Variants in FOXN1 observed in about 807,000 individuals in gnomAD.
FOXN1 encodes the protein forkhead box N1, also known as forkhead box protein N1.
FOXN1 carries 15 observed loss-of-function variants against 49.0 expected under a neutral mutation model. That is an observed-to-expected ratio of 0.31 (90% confidence interval 0.20 to 0.47). The LOEUF is 0.47. FOXN1 is among the 20% of genes least tolerant of loss of function. The probability of loss-of-function intolerance (pLI) is 1.00; values close to 1 mark genes in which losing one functional copy is unlikely to be tolerated. For synonymous variants in FOXN1, 356 were observed against 369.0 expected (o/e 0.96, Z 0.40); for missense variants, 800 against 842.8 (o/e 0.95, Z 0.63).
chr17:28,528,196 G>C (rs2069816984), intron 4 of FOXN1, among the ~76,000 whole-genome samples: 1 of 152,218 alleles, frequency 6.6e-6, no homozygotes, highest in African/African-American at 2.4e-5. Context: ...TGGCTTTGCA[G>C]GGAAAAGAAA....
intron 6 of FOXN1, among the ~76,000 whole-genome samples, chr17:28,531,443 G>A (rs970522453): frequency 2.6e-5 from 4 of 152,104 alleles, no homozygotes; most frequent in Non-Finnish European, 4.4e-5. Context: ...CACAGAAGGC[G>A]CTTCTGGGAG....
chr17:28,527,575 G>A (rs2069802847), intron 4 of FOXN1, among the ~76,000 whole-genome samples: 1 of 152,212 alleles, frequency 6.6e-6, no homozygotes, highest in Admixed American at 6.5e-5. Context: ...GCTTGTCTGA[G>A]TCCCTGGCAA....
intron 1 of FOXN1, among the ~76,000 whole-genome samples, chr17:28,507,963 C>T (rs1473682989): frequency 6.6e-6 from 1 of 152,202 alleles, no homozygotes; most frequent in Non-Finnish European, 1.5e-5. Context: ...GTTGGGGATC[C>T]TCAAAGGCGA....
In FOXN1 at chr17:28,534,640, T is replaced by A; in HGVS notation, c.1136-67T>A. ...AATGAGGCAAGGCCCCGAGTAAGGG[T>A]TCCAGTCTGGGGAAGACTGTGGAGG... On this transcript the variant is annotated intron_variant, in intron 7 of 8. Coordinates refer to ENST00000579795, the MANE Select transcript of FOXN1 (RefSeq NM_001369369.1). The surrounding 1 kb of genome is among the most constrained non-coding windows in gnomAD (Gnocchi z 4.1). The A allele has an allele frequency of 6.2e-7, 1 of 1,606,156 alleles. No individual in the cohort carries two copies. Among genetic ancestry groups the A allele is most frequent in the Non-Finnish European group, 8.5e-7 (1 of 1,176,978 alleles).
rs938556199 is a variant in FOXN1, at chr17:28,524,560, C to A, written c.181C>A (p.Pro61Thr). ...GTCCGACGGCCCTCCAGAGAGGACA[C>A]CCTCACTGCCCCCACACAGCCCCCG... is the stretch of plus-strand genomic sequence containing the variant. ...FVSDGPPERT[P>T]SLPPHSPRIA... Residue 61 changes from proline (P) to threonine (T), a missense_variant, in exon 3 of 9, where the codon CCC (proline) becomes ACC (threonine). Around this residue, in one of 3 missense-constraint regions of FOXN1, gnomAD observed 383 missense variants for 357.9 expected, o/e 1.07. Transcript: ENST00000579795. 2.5e-6 allele frequency: 4 copies of A among 1,613,552 alleles called. No homozygotes were observed. In the African/African-American group the frequency reaches 4.0e-5, roughly 16 times the overall value.
chr17:28,525,049 C>A, intron 3 of FOXN1, 82 bp downstream of exon 3: 2 of 1,088,054 alleles, frequency 1.8e-6, no homozygotes, highest in Non-Finnish European at 2.7e-6. Context: ...ACCTCTGAGA[C>A]CAAAGTCCCA....
In FOXN1 at chr17:28,524,809, C is replaced by A. The variant is rs554249129; in HGVS notation, c.430C>A (p.Leu144Ile). ...CCCAGAGGCCGAGACCACCCTGGCC[C>A]TCAAAGGACACTCCTTTAAGACCCC... ...VFPEAETTLALKGHSFKTPGP... is the reference protein window; with the variant it reads ...VFPEAETTLAIKGHSFKTPGP... Residue 144 changes from leucine to isoleucine, a missense_variant, in exon 3 of 9, where the codon CTC (leucine) becomes ATC (isoleucine). Physicochemically the swap from Leu to Ile is conservative, Grantham distance 5 (BLOSUM62 2). Around this residue, in one of 3 missense-constraint regions of FOXN1, gnomAD observed 383 missense variants for 357.9 expected, o/e 1.07. Transcript: ENST00000579795. 1 of 1,613,818 alleles carries A rather than the reference C, an allele frequency of 6.2e-7. No homozygotes were observed. The highest frequency in any genetic ancestry group is 1.1e-5 in the South Asian group (1 of 91,082).
intron 1 of FOXN1, among the ~76,000 whole-genome samples, chr17:28,507,160 C>T (rs544870654): frequency 2.0e-5 from 3 of 152,188 alleles, no homozygotes; most frequent in African/African-American, 7.2e-5. Flanking sequence ...AGCCCTGAGG[C>T]CTTTGGGGCC....
At chr17:28,523,727 A>G (rs995404438) in intron 1 of FOXN1, among the ~76,000 whole-genome samples, 2 of 152,076 alleles carry the variant, frequency 1.3e-5, no homozygotes, top group Non-Finnish European at 2.9e-5. Context: ...CCCTTTCTCC[A>G]CAGGGGTCTG....
In FOXN1 at chr17:28,524,085, C is replaced by T; in HGVS notation, c.116C>T (p.Pro39Leu). The T allele has an allele frequency of 1.2e-6, 2 of 1,601,064 alleles. No individual in the cohort carries two copies. Among genetic ancestry groups the T allele is most frequent in the Non-Finnish European group, 1.7e-6 (2 of 1,175,054 alleles). ...QAPGLPGSPA[P>L]QSKHAGFSCS... ...CCGGGCCTCCCAGGCTCCCCTGCCC[C>T]ACAGAGTGTAAGTACCCGGCATCTG... Residue 39 changes from proline to leucine, a missense_variant, in exon 2 of 9, where the codon CCA becomes CTA. Physicochemically the swap from Pro to Leu is moderately conservative, Grantham distance 98. This residue lies in a region of FOXN1 where 383 missense variants were observed against 357.9 expected (regional missense o/e 1.07). Transcript: ENST00000579795.
intron 5 of FOXN1, among the ~76,000 whole-genome samples, chr17:28,529,450 G>A (rs2069853518): frequency 6.6e-6 from 1 of 152,182 alleles, no homozygotes; most frequent in Admixed American, 6.5e-5. Context: ...TCTGTGACTT[G>A]ACTCAGCAGA....
rs775837338 is a variant in FOXN1, at chr17:28,537,068, G to C, written c.1628-49G>C. 13 of 1,441,616 alleles carry C rather than the reference G, an allele frequency of 9.0e-6. 1 individual carries two copies. The highest frequency in any genetic ancestry group is 5.7e-5 in the South Asian group (5 of 87,706). The allele number at this position is 1,441,616 out of a possible 1,614,324, so 89.3% of individuals were successfully genotyped here. ...TGACAGGGAGGAGGGGCCAGACAGG[G>C]CTCCTCCGGTGCCTCCCAGTGACAC... On this transcript the variant is annotated intron_variant, in intron 8 of 8. Transcript: ENST00000579795.
rs760240489 is a variant in FOXN1, at chr17:28,524,986, C to T, written c.588+19C>T. The T allele has an allele frequency of 3.8e-6, 6 of 1,559,984 alleles. No homozygotes were observed. Among genetic ancestry groups the T allele is most frequent in the Non-Finnish European group, 5.3e-6 (6 of 1,139,664 alleles). The stretch of plus-strand genomic sequence containing the variant: ...AGTCCTGGTGAGTACTAGTGGCCAG[C>T]GAGTGTCCCATCTTCCCACTGTCCC... On this transcript the variant is annotated intron_variant, in intron 3 of 8. Coordinates refer to ENST00000579795, the MANE Select transcript of FOXN1 (RefSeq NM_001369369.1).
intron 1 of FOXN1, among the ~76,000 whole-genome samples, chr17:28,518,135 G>T (rs1323663489): frequency 6.7e-6 from 1 of 150,324 alleles, no homozygotes; most frequent in Non-Finnish European, 1.5e-5. Context: ...CCTCCATAGG[G>T]TACACACCTC....
Position 28,534,534 on chromosome 17 carries a change from G to A in FOXN1, c.1131G>A (p.Lys377=), listed in dbSNP as rs139218809. 337 of 1,612,978 alleles carry A rather than the reference G, an allele frequency of 2.1e-4. No individual in the cohort carries two copies. In the African/African-American group the frequency reaches 3.9e-3, roughly 18 times the overall value. Reference sequence around the variant, plus strand: ...TTGCTGTGCGCAAAAGCATGGCCAAGCCAGGTGAGGCCGGCCGGGCCACGC... The same window carrying A: ...TTGCTGTGCGCAAAAGCATGGCCAAACCAGGTGAGGCCGGCCGGGCCACGC... ...DPIAVRKSMA[K]PEELDSLIGD... is the part of the protein sequence containing the mutation. Residue 377 remains lysine (K), a synonymous_variant, in exon 7 of 9, where the codon AAG becomes AAA. Coordinates refer to ENST00000579795, the MANE Select transcript of FOXN1 (RefSeq NM_001369369.1). The surrounding 1 kb of genome is among the most constrained non-coding windows in gnomAD (Gnocchi z 4.1).
At chr17:28,536,508 T>C (rs2070067503) in intron 8 of FOXN1, among the ~76,000 whole-genome samples, 1 of 152,072 alleles carries the variant, frequency 6.6e-6, no homozygotes, top group Non-Finnish European at 1.5e-5. Flanking sequence ...CCAAATCCAA[T>C]CCAGGGTTTA....
At chr17:28,526,743 G>A (rs991082444) in intron 3 of FOXN1, among the ~76,000 whole-genome samples, 2 of 152,304 alleles carry the variant, frequency 1.3e-5, no homozygotes, top group African/African-American at 2.4e-5. Context: ...TCCTGGGGCT[G>A]TACAGAGGAG....
chr17:28,507,885 G>A (rs73276477), intron 1 of FOXN1, among the ~76,000 whole-genome samples: 3,709 of 152,328 alleles, frequency 0.024, 152 homozygotes, highest in African/African-American at 0.084. Context: ...GGGGTCCAGG[G>A]TGAGCCAGGC....
At chr17:28,536,368 G>A (rs907860340) in intron 8 of FOXN1, among the ~76,000 whole-genome samples, 1 of 152,208 alleles carries the variant, frequency 6.6e-6, no homozygotes, top group African/African-American at 2.4e-5. Context: ...CTCTCTATGT[G>A]CTTTCTCATC....
Sources: allele counts gnomAD v4.1 joint callset (sites outside exome capture counted in the v4.1 genomes callset), GRCh38; gene constraint gnomAD v4.1.1; regional missense constraint gnomAD v4.1.1; non-coding constraint Gnocchi (gnomAD v3.1); transcripts MANE v1.5; gene names NCBI Gene and HGNC (gene_info 2026-07-23, HGNC 2026-07-21).